The following GPR176 variants were observed in gnomAD, a reference collection of about 807,000 sequenced individuals.
GPR176 encodes the protein G-protein coupled receptor 176.
A neutral mutation model predicts 35.4 loss-of-function variants in GPR176; 26 were observed. The ratio of observed to expected loss-of-function variants is 0.74; its 90% CI spans 0.54 to 1.02. The LOEUF is 1.02. Among genes scored for constraint, GPR176 ranks in the 50% least tolerant of loss-of-function variants. The pLI is 0.00. For missense variants in GPR176, 597 were observed against 665.3 expected (o/e 0.90, Z 1.13); for synonymous variants, 278 against 271.3 (o/e 1.02, Z -0.24).
chr15:39,814,546 T>G (rs1899773221), intron 1 of GPR176, among the ~76,000 whole-genome samples: 1 of 152,260 alleles, frequency 6.6e-6, no homozygotes, highest in Admixed American at 6.5e-5. Flanking sequence ...TTGTATCTAC[T>G]TCTAGAAGAA....
Position 39,801,003 on chromosome 15 carries a change from TG to T in GPR176, c.*128del. 1 of 748,614 alleles carries T rather than the reference TG, an allele frequency of 1.3e-6. No individual in the cohort carries two copies. The highest frequency in any genetic ancestry group is 2.2e-6 in the Non-Finnish European group (1 of 444,868). The allele number at this position is 748,614 out of a possible 1,614,324, so 46.4% of individuals were successfully genotyped here. On this transcript the variant is annotated 3_prime_UTR_variant, in exon 3 of 3. Transcript: ENST00000561100. ...GATTTCCCTATCATTCAAAAGCATCTGGCCCATATTGGAGGAATCAACTCAC... is the reference window on the plus strand; with the variant it reads ...GATTTCCCTATCATTCAAAAGCATCTGCCCATATTGGAGGAATCAACTCAC...
chr15:39,848,749 A>G (rs2030626622), intron 1 of GPR176, among the ~76,000 whole-genome samples: 1 of 152,090 alleles, frequency 6.6e-6, no homozygotes, highest in South Asian at 2.1e-4. Context: ...TAAGTCAAAG[A>G]ATATGTTGAA....
At chr15:39,828,198 G>C (rs763026000) in intron 1 of GPR176, among the ~76,000 whole-genome samples, 2 of 152,186 alleles carry the variant, frequency 1.3e-5, no homozygotes, top group Non-Finnish European at 2.9e-5. Flanking sequence ...AGAGGTGGGA[G>C]AGAAAATGCT....
intron 1 of GPR176, among the ~76,000 whole-genome samples, chr15:39,850,476 A>G (rs945236311): frequency 2.6e-5 from 4 of 152,214 alleles, no homozygotes; most frequent in African/African-American, 7.2e-5. Context: ...TACATATGGT[A>G]TGATTCTAAC....
intron 1 of GPR176, among the ~76,000 whole-genome samples, chr15:39,842,071 A>T (rs2030035275): frequency 6.6e-6 from 1 of 152,056 alleles, no homozygotes; most frequent in Admixed American, 6.6e-5. Context: ...CCAAAAATTC[A>T]TATGTTGAAA....
At chr15:39,853,580 A>G (rs2031014855) in intron 1 of GPR176, among the ~76,000 whole-genome samples, 1 of 152,214 alleles carries the variant, frequency 6.6e-6, no homozygotes, top group South Asian at 2.1e-4. Context: ...ATTTTTTAAA[A>G]TACCTATTAA....
At chr15:39,818,788 T>C (rs1354552012) in intron 1 of GPR176, among the ~76,000 whole-genome samples, 1 of 152,198 alleles carries the variant, frequency 6.6e-6, no homozygotes, top group Non-Finnish European at 1.5e-5. Context: ...GCAACATAGA[T>C]ACGGAGCCAT....
intron 1 of GPR176, among the ~76,000 whole-genome samples, chr15:39,904,094 T>A (rs1290705299): frequency 1.3e-5 from 2 of 152,094 alleles, no homozygotes; most frequent in Non-Finnish European, 2.9e-5. Context: ...CTGGTGGGAG[T>A]GTAGCAGTGA....
chr15:39,909,577 C>T (rs983104856), intron 1 of GPR176, among the ~76,000 whole-genome samples: 1 of 152,178 alleles, frequency 6.6e-6, no homozygotes, highest in Non-Finnish European at 1.5e-5. Flanking sequence ...AAACAAAACA[C>T]TTGCAGCCAG....
chr15:39,919,850 CT>C lies in GPR176; in HGVS notation c.172+4del. 7.1e-7 allele frequency: 1 copy of C among 1,403,828 alleles called. No individual in the cohort carries two copies. The highest frequency in any genetic ancestry group is 1.7e-5 in the South Asian group (1 of 59,874). The allele number at this position is 1,403,828 out of a possible 1,614,324, so 87.0% of individuals were successfully genotyped here. A position where few individuals can be genotyped will look rare whatever the true frequency, so the allele number is the denominator to read the frequency against. ...CGGTCCGGAGGCGCCCCGCGGGAGG[CT>C]TACCGAGCAGCGAGCCTATGAAGAT... On this transcript the variant is annotated splice_donor_region_variant and intron_variant, in intron 1 of 2. Transcript: ENST00000561100.
intron 1 of GPR176, among the ~76,000 whole-genome samples, chr15:39,900,452 G>C (rs2033244010): frequency 6.6e-6 from 1 of 152,156 alleles, no homozygotes; most frequent in South Asian, 2.1e-4. Context: ...CCTTGAAACA[G>C]TACACAAATT....
intron 1 of GPR176, among the ~76,000 whole-genome samples, chr15:39,893,942 G>C (rs866451760): frequency 7.4e-4 from 73 of 98,666 alleles, no homozygotes; most frequent in East Asian, 1.4e-3. Flanking sequence ...GGACGGGGCG[G>C]CTGGCCGGGC....
At chr15:39,860,841 C>T (rs1411873870) in intron 1 of GPR176, 1 of 152,166 alleles carries the variant, frequency 6.6e-6, no homozygotes, top group East Asian at 1.9e-4. Flanking sequence ...ACGTAAGTTC[C>T]ATTCTCAATT....
rs756289300 is a variant in GPR176, at chr15:39,807,211, A to T, written c.220T>A (p.Ser74Thr). Residue 74 changes from serine to threonine, a missense_variant, in exon 2 of 3, where the codon TCT becomes ACT. By Grantham distance (58) the Ser-to-Thr change is moderately conservative. Coordinates refer to ENST00000561100, the MANE Select transcript of GPR176 (RefSeq NM_007223.3). ...TTTTTAATGAACCTGTTGGTGACAGATTTGAACACGGTTGTGCGGCAAGTT... is the reference window on the plus strand; with the variant it reads ...TTTTTAATGAACCTGTTGGTGACAGTTTTGAACACGGTTGTGCGGCAAGTT... ...WSTCRTTVFK[S>T]VTNRFIKNLA... is the part of the protein sequence containing the mutation. 5 of 1,612,802 alleles carry T rather than the reference A, an allele frequency of 3.1e-6. No homozygotes were observed. The East Asian group carries it at 1.1e-4, about 36-fold the overall frequency.
chr15:39,915,604 G>A lies in GPR176; in HGVS notation c.172+4251C>T, dbSNP rs149498817. On this transcript the variant is annotated intron_variant, in intron 1 of 2. Transcript: ENST00000561100. ...AAATGTTAAAAATCAGCTGAGCGCA[G>A]TGGCTCACTCCTGTAATCCCAGAAC... Among the ~76,000 whole-genome samples, 76 of 152,334 alleles carry A rather than the reference G, an allele frequency of 5.0e-4. 1 individual carries two copies. In the East Asian group the frequency reaches 0.014, roughly 29 times the overall value.
intron 1 of GPR176, among the ~76,000 whole-genome samples, chr15:39,875,450 G>C (rs948034290): frequency 2.6e-5 from 4 of 152,016 alleles, no homozygotes; most frequent in African/African-American, 9.7e-5. Context: ...ATCACTCTTG[G>C]AGCTGACACT....
chr15:39,913,847 C>T (rs573946403), intron 1 of GPR176, among the ~76,000 whole-genome samples: 1 of 152,282 alleles, frequency 6.6e-6, no homozygotes, highest in African/African-American at 2.4e-5. Flanking sequence ...GAGATCAAGA[C>T]CATCCTGGCT....
intron 1 of GPR176, among the ~76,000 whole-genome samples, chr15:39,832,717 C>T (rs1764551768): frequency 6.7e-6 from 1 of 150,228 alleles, no homozygotes; most frequent in Non-Finnish European, 1.5e-5. Flanking sequence ...AGAAAGTTTA[C>T]AAATTTGTGT....
At chr15:39,852,553 G>A (rs184315209) in intron 1 of GPR176, among the ~76,000 whole-genome samples, 151 of 152,308 alleles carry the variant, frequency 9.9e-4, no homozygotes, top group African/African-American at 3.6e-3. Context: ...GTTAAAATAT[G>A]ATGCAAATGC....
Sources: allele counts gnomAD v4.1 joint callset (sites outside exome capture counted in the v4.1 genomes callset), GRCh38; gene constraint gnomAD v4.1.1; transcripts MANE v1.5; gene names NCBI Gene and HGNC (gene_info 2026-07-23, HGNC 2026-07-21).